B3GAT2: variants seen among roughly 807,000 people sequenced by gnomAD.
B3GAT2 encodes beta-1,3-glucuronyltransferase 2, also known as galactosylgalactosylxylosylprotein 3-beta-glucuronosyltransferase 2.
A neutral mutation model predicts 27.8 loss-of-function variants in B3GAT2; 26 were observed. The ratio of observed to expected loss-of-function variants is 0.93; its 90% confidence interval spans 0.68 to 1.30. The LOEUF (loss-of-function observed/expected upper bound fraction) is 1.30. Among genes scored for constraint, B3GAT2 ranks in the 50% most tolerant of loss-of-function variants. The pLI, the probability that B3GAT2 is intolerant of heterozygous loss-of-function variation, is 0.00. For synonymous variants in B3GAT2, 218 were observed against 195.1 expected (o/e 1.12, Z -0.98); for missense variants, 458 against 459.0 (o/e 1.00, Z 0.02).
At chr6:70,927,187 G>A (rs1582385805) in intron 1 of B3GAT2, among the ~76,000 whole-genome samples, 1 of 152,150 alleles carries the variant, frequency 6.6e-6, no homozygotes, top group African/African-American at 2.4e-5. Context: ...AACTAAACAT[G>A]GAAAGGAACA....
chr6:70,913,783 A>C (rs1772725444), intron 1 of B3GAT2, among the ~76,000 whole-genome samples: 1 of 152,006 alleles, frequency 6.6e-6, no homozygotes, highest in Non-Finnish European at 1.5e-5. Context: ...ATGATTGAAT[A>C]CTGTTAGTGG....
intron 1 of B3GAT2, among the ~76,000 whole-genome samples, chr6:70,929,947 A>G (rs1773032629): frequency 1.3e-5 from 2 of 152,210 alleles, no homozygotes; most frequent in African/African-American, 4.8e-5. Flanking sequence ...AAATTATATT[A>G]TAAGGCTACA....
At chr6:70,917,530 A>G (rs921057055) in intron 1 of B3GAT2, among the ~76,000 whole-genome samples, 13 of 152,124 alleles carry the variant, frequency 8.5e-5, no homozygotes, top group Admixed American at 7.2e-4. Context: ...TCCTGTGGAC[A>G]CTTAGTGCTG....
chr6:70,912,462 A>G (rs1211388024), intron 1 of B3GAT2, among the ~76,000 whole-genome samples: 1 of 152,184 alleles, frequency 6.6e-6, no homozygotes, highest in Non-Finnish European at 1.5e-5. Flanking sequence ...CCAATCTCAC[A>G]TGCCAAGTAT....
chr6:70,956,533 T>C lies in B3GAT2; in HGVS notation c.-104A>G. Reference sequence around the variant, plus strand: ...GGCGCCAGCACTTAGGGAGTGGTGATGGGTGCGCTGTCCATGGGGCCGAGG... The same window carrying C: ...GGCGCCAGCACTTAGGGAGTGGTGACGGGTGCGCTGTCCATGGGGCCGAGG... On this transcript the variant is annotated 5_prime_UTR_variant, in exon 1 of 4. Transcript: ENST00000230053. The C allele has an allele frequency of 6.6e-7, 1 of 1,517,500 alleles. No individual in the cohort carries two copies. 94.0% of individuals were successfully genotyped at this position (1,517,500 alleles called of 1,614,324 possible). A position where few individuals can be genotyped will look rare whatever the true frequency, so the allele number is the denominator to read the frequency against.
chr6:70,904,475 A>G (rs1344280368), intron 1 of B3GAT2, among the ~76,000 whole-genome samples: 9 of 152,204 alleles, frequency 5.9e-5, no homozygotes, highest in Admixed American at 5.9e-4. Context: ...TTGGTTTGTA[A>G]ATATTATTTT....
intron 1 of B3GAT2, among the ~76,000 whole-genome samples, chr6:70,944,095 C>T (rs1056838938): frequency 1.3e-5 from 2 of 152,136 alleles, no homozygotes; most frequent in Non-Finnish European, 2.9e-5. Flanking sequence ...GAGCTGGCAG[C>T]CACGATGGCC....
At chr6:70,884,105 AAAAAAAAAC>A (rs1281550003) in intron 2 of B3GAT2, among the ~76,000 whole-genome samples, 5 of 144,290 alleles carry the variant, frequency 3.5e-5, no homozygotes, top group African/African-American at 5.3e-5. Context: ...CAAAAAAAAA[AAAAAAAAAC>A]AAAAAAAACC....
intron 2 of B3GAT2, among the ~76,000 whole-genome samples, chr6:70,871,109 T>A (rs1485657396): frequency 6.6e-6 from 1 of 151,964 alleles, no homozygotes; most frequent in East Asian, 1.9e-4. Flanking sequence ...TACCTGCTCA[T>A]GGTGTATAAT....
chr6:70,932,044 G>A (rs1327196684), intron 1 of B3GAT2, among the ~76,000 whole-genome samples: 2 of 152,118 alleles, frequency 1.3e-5, no homozygotes, highest in Non-Finnish European at 2.9e-5. Flanking sequence ...TAGGAGAGAT[G>A]CAAATCAAAA....
intron 1 of B3GAT2, among the ~76,000 whole-genome samples, chr6:70,928,915 G>A (rs1241717656): frequency 6.6e-6 from 1 of 152,176 alleles, no homozygotes; most frequent in Non-Finnish European, 1.5e-5. Context: ...GCACATGTAT[G>A]TTTATTGAGG....
intron 2 of B3GAT2, among the ~76,000 whole-genome samples, chr6:70,881,761 C>T (rs558007227): frequency 8.1e-4 from 123 of 152,324 alleles, no homozygotes; most frequent in Non-Finnish European, 1.4e-3. Flanking sequence ...CTTCAGCCCA[C>T]TGGATCTCTG....
At chr6:70,948,575 T>C (rs1765529246) in intron 1 of B3GAT2, among the ~76,000 whole-genome samples, 2 of 148,876 alleles carry the variant, frequency 1.3e-5, no homozygotes, top group Non-Finnish European at 3.0e-5. Flanking sequence ...CTCAATGAAA[T>C]AAAAGAGGAT....
At position 70,928,981 on chromosome 6, in the gene B3GAT2, C is replaced by G. The variant is rs532263196; in HGVS notation, c.591+26858G>C. On this transcript the variant is annotated intron_variant, in intron 1 of 3. Transcript: ENST00000230053. Reference sequence around the variant, plus strand: ...AAACCAAATGTCCAACAATGATAGACTGGATTAAGAAAACATGGCACATAT... The same window carrying G: ...AAACCAAATGTCCAACAATGATAGAGTGGATTAAGAAAACATGGCACATAT... Among the ~76,000 whole-genome samples the G allele has an allele frequency of 1.1e-4, 17 of 152,274 alleles. No individual in the cohort carries two copies. The South Asian group carries it at 3.1e-3, about 28-fold the overall frequency.
At chr6:70,941,531 T>G (rs1483689237) in intron 1 of B3GAT2, among the ~76,000 whole-genome samples, 1 of 152,140 alleles carries the variant, frequency 6.6e-6, no homozygotes, top group African/African-American at 2.4e-5. Context: ...AAACCTCCCC[T>G]TTTAATGGCT....
In B3GAT2 at chr6:70,861,731, G is replaced by T. The variant is rs149616588; in HGVS notation, c.904C>A (p.Arg302=). 3.2e-5 allele frequency: 51 copies of T among 1,613,952 alleles called. No homozygotes were observed. In the African/African-American group the frequency reaches 6.5e-4, roughly 21 times the overall value. The part of the protein sequence containing the change: ...NCTKVLVWHT[R]TEKVNLANEP... ...TTGGCTAGATTAACCTTCTCTGTCC[G>T]AGTGTGCCACACGAGAACCTGAAGG... Residue 302 remains arginine (R), a synonymous_variant, in exon 4 of 4, where the codon CGG becomes AGG. Coordinates refer to ENST00000230053, the MANE Select transcript of B3GAT2 (RefSeq NM_080742.3).
intron 1 of B3GAT2, among the ~76,000 whole-genome samples, chr6:70,927,265 CAACT>C (rs1452641357): frequency 6.6e-6 from 1 of 152,170 alleles, no homozygotes; most frequent in African/African-American, 2.4e-5. Context: ...GAAACTGCAT[CAACT>C]AATGAGCAAA....
At position 70,859,448 on chromosome 6, in the gene B3GAT2, T is replaced by TAATCAGGCA; in HGVS notation, c.*2214_*2215insTGCCTGATT. Reference sequence around the variant, plus strand: ...AGACGTGATCTGCTTCTTCAGACACTTATGCCTGATTAGTGATGTAGTTTA... The same window carrying TAATCAGGCA: ...AGACGTGATCTGCTTCTTCAGACACTAATCAGGCATATGCCTGATTAGTGATGTAGTTTA... On this transcript the variant is annotated 3_prime_UTR_variant, in exon 4 of 4. Coordinates refer to ENST00000230053, the MANE Select transcript of B3GAT2 (RefSeq NM_080742.3). 3 of 1,325,104 alleles carry TAATCAGGCA rather than the reference T, an allele frequency of 2.3e-6. No individual in the cohort carries two copies. The highest frequency in any genetic ancestry group is 1.5e-5 in the African/African-American group (1 of 68,650). The allele number at this position is 1,325,104 out of a possible 1,614,324, so 82.1% of individuals were successfully genotyped here.
At chr6:70,896,354 A>G (rs1004231013) in intron 1 of B3GAT2, among the ~76,000 whole-genome samples, 6 of 152,180 alleles carry the variant, frequency 3.9e-5, no homozygotes, top group Non-Finnish European at 8.8e-5. Flanking sequence ...AGGTCCTAGT[A>G]AACCACCAAA....
Sources: gnomAD v4.1 joint callset for allele counts (sites outside exome capture counted in the v4.1 genomes callset) on GRCh38, gnomAD v4.1.1 for gene constraint, MANE v1.5 for transcripts, NCBI Gene and HGNC (gene_info 2026-07-23, HGNC 2026-07-21) for gene names.